OFD1: variants seen among roughly 807,000 people sequenced by gnomAD.
OFD1 encodes the protein centriole and centriolar satellite protein OFD1.
In OFD1, 12 loss-of-function variants were observed where a neutral mutation model predicts 81.4. That is an observed-to-expected ratio of 0.15 (90% confidence interval 0.09 to 0.24). The LOEUF (loss-of-function observed/expected upper bound fraction) is 0.24. Ranked by LOEUF, OFD1 falls within the 10% of genes least tolerant of loss-of-function variation. The pLI, the probability that OFD1 is intolerant of heterozygous loss-of-function variation, is 1.00. For synonymous variants in OFD1, 256 were observed against 263.7 expected (o/e 0.97, Z 0.28); for missense variants, 685 against 733.9 (o/e 0.93, Z 0.77).
the OFD1 span, among the ~76,000 whole-genome samples, chrX:13,718,734 A>G: frequency 2.7e-5 from 3 of 112,410 alleles, no homozygotes; most frequent in African/African-American, 9.7e-5. Flanking sequence ...ATTACAATTA[A>G]CTTAAAACAT....
chrX:13,770,757 G>C (rs1474144223), downstream of OFD1, among the ~76,000 whole-genome samples: 4 of 112,077 alleles, frequency 3.6e-5, no homozygotes, highest in Non-Finnish European at 7.5e-5. Flanking sequence ...GCCCAATACA[G>C]CCCAGTGGAT....
the OFD1 span, among the ~76,000 whole-genome samples, chrX:13,715,084 ATTAC>A: frequency 1.8e-5 from 2 of 112,869 alleles, no homozygotes; most frequent in Non-Finnish European, 3.7e-5. Context: ...AGGGCTAAAT[ATTAC>A]TTACTACCTC....
intron 10 of OFD1, 88 bp from the exon 11 acceptor site, chrX:13,753,280 T>C: frequency 8.3e-7 from 1 of 1,199,512 alleles, no homozygotes; most frequent in Non-Finnish European, 1.1e-6. Flanking sequence ...CCTCAGGTGC[T>C]CCTGTGCCAT....
intron 5 of OFD1, among the ~76,000 whole-genome samples, chrX:13,743,995 A>ATTAAAGATATGACT (rs1231544725): frequency 1.8e-5 from 2 of 111,950 alleles, no homozygotes; most frequent in African/African-American, 6.5e-5. Flanking sequence ...TCTCAGATTT[A>ATTAAAGATATGACT]TTAAAAGATA....
At chrX:13,734,718 TA>T (rs1303778036), upstream of OFD1, 8 of 1,000,581 alleles carry the variant, frequency 8.0e-6, no homozygotes, top group African/African-American at 1.6e-4. Flanking sequence ...TCGGGAAGGC[TA>T]TATTTAGCAG....
chrX:13,762,415 A>T lies in OFD1; in HGVS notation c.2459A>T (p.Asp820Val). ...GATGTGGACAAGCTAGCTTTTAAGG[A>T]TAATGAGGAGTTTGAATCATCTTTT... ...FSDVDKLAFK[D>V]NEEFESSFES... Residue 820 changes from aspartate (D) to valine (V), a missense_variant, in exon 18 of 23, where the codon GAT (aspartate) becomes GTT (valine). Around this residue, in one of 3 missense-constraint regions of OFD1, gnomAD observed 259 missense variants for 254.4 expected, o/e 1.02. Coordinates refer to ENST00000340096, the MANE Select transcript of OFD1 (RefSeq NM_003611.3). The T allele has an allele frequency of 8.4e-7, 1 of 1,186,501 alleles. No homozygotes were observed. The highest frequency in any genetic ancestry group is 1.1e-6 in the Non-Finnish European group (1 of 872,468).
At chrX:13,738,816 T>C (rs748903942) in intron 3 of OFD1, 30 bp from the exon 4 acceptor site, 3 of 861,549 alleles carry the variant, frequency 3.5e-6, no homozygotes, top group Admixed American at 4.6e-5. Flanking sequence ...TATAAAAATA[T>C]GTCTACTTAG....
rs770888228 is a variant in OFD1, at chrX:13,753,368, G to A, written c.1056G>A (p.Lys352=). 1.7e-6 allele frequency: 2 copies of A among 1,206,731 alleles called. No individual in the cohort carries two copies. The highest frequency in any genetic ancestry group is 3.0e-5 in the East Asian group (1 of 33,806). The change falls in exon 11 of 23, where the codon AAG becomes AAA. Residue 352 remains lysine, a splice_region_variant and synonymous_variant. Transcript: ENST00000340096. The part of the protein sequence containing the change: ...YDRKLKNELL[K]YQLELKDDYI... ...CATATTTAGTCATTCTGATTCTCAG[G>A]TATCAACTTGAACTGAAGGATGACT...
chrX:13,770,218 G>C (rs1016378864), downstream of OFD1, among the ~76,000 whole-genome samples: 5 of 112,005 alleles, frequency 4.5e-5, no homozygotes, highest in African/African-American at 1.6e-4. Flanking sequence ...GTTTTCCTCT[G>C]GTGACTCATG....
At chrX:13,766,184 A>C (rs1415683111) in intron 19 of OFD1, among the ~76,000 whole-genome samples, 1 of 112,539 alleles carries the variant, frequency 8.9e-6, no homozygotes, top group African/African-American at 3.2e-5. Flanking sequence ...GACTCTTATC[A>C]GAGCGGAGAT....
At chrX:13,766,077 C>G (rs888591314) in intron 19 of OFD1, among the ~76,000 whole-genome samples, 3 of 111,891 alleles carry the variant, frequency 2.7e-5, no homozygotes, top group Non-Finnish European at 1.9e-5. Context: ...TGGGTTGGTA[C>G]AGATGAAATA....
chrX:13,738,715 T>C (rs2046971737), intron 3 of OFD1, 131 bp from the exon 4 acceptor site: 8 of 472,586 alleles, frequency 1.7e-5, no homozygotes, highest in Non-Finnish European at 2.9e-5. Flanking sequence ...GAAATTTGCT[T>C]TATTAGCATA....
the OFD1 span, chrX:13,722,022 A>G: frequency 3.7e-5 from 4 of 109,448 alleles, no homozygotes; most frequent in African/African-American, 1.3e-4. Flanking sequence ...GACGAGCTGG[A>G]ATGATAAAAA....
the OFD1 span, among the ~76,000 whole-genome samples, chrX:13,718,035 G>C: frequency 1.8e-5 from 2 of 112,448 alleles, no homozygotes; most frequent in South Asian, 7.3e-4. Flanking sequence ...CCAGAAGCTG[G>C]GAGAGAGGCC....
chrX:13,758,553 G>A (rs2047802563), intron 15 of OFD1, 105 bp downstream of exon 15: 2 of 503,173 alleles, frequency 4.0e-6, no homozygotes, highest in Non-Finnish European at 6.8e-6. Flanking sequence ...TTGTTTTAGG[G>A]GAAAAGCCAT....
chrX:13,750,889 A>G (rs2047476660), intron 9 of OFD1, among the ~76,000 whole-genome samples: 1 of 112,751 alleles, frequency 8.9e-6, no homozygotes, highest in Non-Finnish European at 1.9e-5. Flanking sequence ...TAAGCACATA[A>G]GTACACTTAT....
At chrX:13,759,165 G>T (rs906243367) in intron 15 of OFD1, among the ~76,000 whole-genome samples, 1 of 112,089 alleles carries the variant, frequency 8.9e-6, no homozygotes, top group Admixed American at 9.4e-5. Flanking sequence ...AAGAAAGTAC[G>T]TATGTGTTAC....
chrX:13,741,781 A>G (rs1453372997), intron 5 of OFD1, among the ~76,000 whole-genome samples: 1 of 111,799 alleles, frequency 8.9e-6, no homozygotes, highest in Admixed American at 9.5e-5. Flanking sequence ...CCCAAGGTGC[A>G]TGGTGGAGAG....
chrX:13,749,084 T>G (rs1454118844), intron 8 of OFD1, among the ~76,000 whole-genome samples: 3 of 100,446 alleles, frequency 3.0e-5, no homozygotes, highest in Non-Finnish European at 6.0e-5. Context: ...ATCACCCCAC[T>G]GCACTCCAGC....
Sources: gnomAD v4.1 joint callset for allele counts (sites outside exome capture counted in the v4.1 genomes callset) on GRCh38, gnomAD v4.1.1 for gene constraint, gnomAD v4.1.1 regional missense constraint, MANE v1.5 for transcripts, NCBI Gene and HGNC (gene_info 2026-07-23, HGNC 2026-07-21) for gene names.